DMD: variants seen among roughly 807,000 people sequenced by gnomAD.
The protein encoded by DMD is mutant dystrophin.
DMD carries 63 observed loss-of-function variants against 330.1 expected under a neutral mutation model. The ratio of observed to expected loss-of-function variants is 0.19; its 90% CI spans 0.16 to 0.24. The LOEUF is 0.24. Ranked by LOEUF, DMD falls within the 10% of genes least tolerant of loss-of-function variation. DMD has a pLI of 1.00. For missense variants in DMD, 3,344 were observed against 2,684.1 expected (o/e 1.25, Z -5.43); for synonymous variants, 1,223 against 959.8 (o/e 1.27, Z -5.07).
At chrX:31,266,890 G>T in intron 62 of DMD, 3 of 1,189,174 alleles carry the variant, frequency 2.5e-6, no homozygotes, top group Admixed American at 2.3e-5. Flanking sequence ...TCCCAGAGCC[G>T]CCGGGCTCCC....
intron 60 of DMD, among the ~76,000 whole-genome samples, chrX:31,371,515 G>A (rs1156889582): frequency 9.0e-6 from 1 of 111,025 alleles, no homozygotes; most frequent in Non-Finnish European, 1.9e-5. Flanking sequence ...TTCAGATGGG[G>A]AAATAAGATC....
chrX:32,780,279 G>C (rs766601323), intron 7 of DMD, among the ~76,000 whole-genome samples: 106 of 112,232 alleles, frequency 9.4e-4, no homozygotes, highest in African/African-American at 3.4e-3. Context: ...TTCTATACTA[G>C]AAGCCGACAT....
At chrX:32,393,209 G>A (rs146272960) in intron 30 of DMD, among the ~76,000 whole-genome samples, 1,217 of 110,900 alleles carry the variant, frequency 0.011, 8 homozygotes, top group South Asian at 0.051. Context: ...CTTCAATTTT[G>A]TTACTTCTAA....
intron 9 of DMD, among the ~76,000 whole-genome samples, chrX:32,694,731 A>T (rs2063521041): frequency 3.6e-5 from 4 of 111,833 alleles, no homozygotes; most frequent in African/African-American, 1.3e-4. Flanking sequence ...ATTTCAACTC[A>T]CTGCAACCTC....
At chrX:32,588,213 AG>A (rs1162631084) in intron 13 of DMD, among the ~76,000 whole-genome samples, 1 of 112,304 alleles carries the variant, frequency 8.9e-6, no homozygotes, top group East Asian at 2.8e-4. Flanking sequence ...TTCTAATAAA[AG>A]AGTAAAGCAC....
chrX:31,549,612 C>T (rs1378748960), intron 55 of DMD, among the ~76,000 whole-genome samples: 2 of 112,226 alleles, frequency 1.8e-5, no homozygotes, highest in African/African-American at 6.5e-5. Flanking sequence ...GCTTGATATA[C>T]TTTATGCCTT....
At chrX:32,569,047 A>G (rs2052084612) in intron 15 of DMD, among the ~76,000 whole-genome samples, 1 of 112,179 alleles carries the variant, frequency 8.9e-6, no homozygotes. Flanking sequence ...GAATGTGTAC[A>G]AGGCAAAGGC....
chrX:31,949,380 T>G (rs1384755169), intron 45 of DMD, among the ~76,000 whole-genome samples: 1 of 111,595 alleles, frequency 9.0e-6, no homozygotes, highest in Non-Finnish European at 1.9e-5. Flanking sequence ...TATTTTCAAA[T>G]TTATGACCAT....
intron 9 of DMD, among the ~76,000 whole-genome samples, chrX:32,692,484 T>C (rs1432520576): frequency 5.4e-5 from 6 of 111,737 alleles, no homozygotes. Flanking sequence ...AGGGACAAGT[T>C]GTGCCAGGAG....
intron 37 of DMD, among the ~76,000 whole-genome samples, chrX:32,356,379 TAAAAAAAAAAAAAAAAAA>T (rs71888370): frequency 9.5e-5 from 5 of 52,740 alleles, no homozygotes. Flanking sequence ...TGAATGGAAG[TAAAAAAAAAAAAAAAAAA>T]AAAAAAAAAC....
chrX:31,493,622 G>A (rs778724138), intron 57 of DMD, among the ~76,000 whole-genome samples: 4 of 112,069 alleles, frequency 3.6e-5, no homozygotes, highest in Non-Finnish European at 7.5e-5. Context: ...GCTGAGGCCA[G>A]ACAAGCCAGA....
intron 62 of DMD, among the ~76,000 whole-genome samples, chrX:31,288,549 A>ACAATC (rs1463639026): frequency 8.9e-6 from 1 of 111,975 alleles, no homozygotes; most frequent in Non-Finnish European, 1.9e-5. Flanking sequence ...TTATCAGATA[A>ACAATC]CCAAGTACAA....
intron 17 of DMD, among the ~76,000 whole-genome samples, chrX:32,529,078 C>T (rs921970195): frequency 9.4e-6 from 1 of 106,654 alleles, no homozygotes; most frequent in East Asian, 3.0e-4. Flanking sequence ...CCTGCCGCCA[C>T]GTCTGGCTAA....
intron 60 of DMD, among the ~76,000 whole-genome samples, chrX:31,372,268 T>C (rs752274461): frequency 8.9e-6 from 1 of 111,949 alleles, no homozygotes; most frequent in Non-Finnish European, 1.9e-5. Flanking sequence ...GCTGACCAGA[T>C]GGAGGAAGGA....
chrX:32,758,807 T>C (rs184499415), intron 7 of DMD, among the ~76,000 whole-genome samples: 20 of 111,511 alleles, frequency 1.8e-4, no homozygotes, highest in South Asian at 3.8e-4. Flanking sequence ...CGACCACAAA[T>C]AGGGGCCATG....
intron 51 of DMD, among the ~76,000 whole-genome samples, chrX:31,740,457 G>C (rs1390336954): frequency 9.0e-6 from 1 of 111,593 alleles, no homozygotes; most frequent in Non-Finnish European, 1.9e-5. Context: ...ACAATATATA[G>C]GACTGCCTTG....
Position 31,749,248 on chromosome X carries a change from C to G in DMD, c.7543-19500G>C, listed in dbSNP as rs5927834. On this transcript the variant is annotated intron_variant, in intron 51 of 78. Coordinates refer to ENST00000357033, the MANE Select transcript of DMD (RefSeq NM_004006.3). The stretch of plus-strand genomic sequence containing the variant: ...ATGCTGGCACGCTGCACCCACTAAC[C>G]CGTCATCTAGCATTAGGTATATCTC... 1.4e-3 allele frequency among the ~76,000 whole-genome samples: 143 copies of G among 101,447 alleles called. 1 individual carries two copies. The East Asian group carries it at 0.044, about 31-fold the overall frequency. The allele number at this position is 101,447 out of a possible 115,157, so 88.1% of individuals were successfully genotyped here. A position where few individuals can be genotyped will look rare whatever the true frequency, so the allele number is the denominator to read the frequency against.
chrX:33,049,593 C>CAGA (rs1569551597), intron 1 of DMD, among the ~76,000 whole-genome samples: 99 of 108,906 alleles, frequency 9.1e-4, no homozygotes, highest in African/African-American at 3.1e-3. Context: ...CATAGACTGC[C>CAGA]TTTTTTTTTG....
intron 2 of DMD, among the ~76,000 whole-genome samples, chrX:32,867,383 T>G (rs1310486754): frequency 8.9e-6 from 1 of 112,127 alleles, no homozygotes; most frequent in Non-Finnish European, 1.9e-5. Context: ...AAAATGCATT[T>G]TAAAATAAAG....
Sources: allele counts gnomAD v4.1 joint callset (sites outside exome capture counted in the v4.1 genomes callset), GRCh38; gene constraint gnomAD v4.1.1; transcripts MANE v1.5; gene names NCBI Gene and HGNC (gene_info 2026-07-23, HGNC 2026-07-21).